ALCAM: variants seen among roughly 807,000 people sequenced by gnomAD.
ALCAM encodes the protein activated leukocyte cell adhesion molecule.
In ALCAM, 30 loss-of-function variants were observed where a neutral mutation model predicts 70.9. The observed-to-expected ratio is 0.42, with a 90% CI of 0.32 to 0.57. The LOEUF (loss-of-function observed/expected upper bound fraction) is 0.57. Among genes scored for constraint, ALCAM ranks in the 20% least tolerant of loss-of-function variants. The pLI is 0.11. For synonymous variants in ALCAM, 249 were observed against 242.5 expected (o/e 1.03, Z -0.25); for missense variants, 591 against 695.1 (o/e 0.85, Z 1.68).
intron 1 of ALCAM, among the ~76,000 whole-genome samples, chr3:105,487,720 G>A (rs947849767): frequency 1.3e-5 from 2 of 152,152 alleles, no homozygotes; most frequent in African/African-American, 4.8e-5. Flanking sequence ...AGGGTAGAAG[G>A]TAAAACTGAG....
At chr3:105,473,886 G>T (rs1034172141) in intron 1 of ALCAM, among the ~76,000 whole-genome samples, 25 of 145,264 alleles carry the variant, frequency 1.7e-4, no homozygotes, top group East Asian at 6.1e-4. Context: ...GTTTTGTTTT[G>T]TTTTTTTTTT....
chr3:105,386,493 G>A (rs2107344643), intron 1 of ALCAM, among the ~76,000 whole-genome samples: 1 of 151,596 alleles, frequency 6.6e-6, no homozygotes, highest in Non-Finnish European at 1.5e-5. Flanking sequence ...AATGTCTAGT[G>A]TGTGCAAATG....
intron 1 of ALCAM, among the ~76,000 whole-genome samples, chr3:105,510,284 C>T (rs895673520): frequency 1.3e-5 from 2 of 152,032 alleles, no homozygotes; most frequent in African/African-American, 2.4e-5. Flanking sequence ...ATCGGGGTAT[C>T]CGTGAGCTAT....
intron 1 of ALCAM, among the ~76,000 whole-genome samples, chr3:105,388,346 C>G (rs1226051042): frequency 6.6e-6 from 1 of 151,468 alleles, no homozygotes; most frequent in Non-Finnish European, 1.5e-5. Context: ...AGACGACTGT[C>G]CCACAACAAA....
chr3:105,393,409 A>G (rs780704900), intron 1 of ALCAM, among the ~76,000 whole-genome samples: 22 of 151,904 alleles, frequency 1.4e-4, no homozygotes, highest in East Asian at 3.9e-4. Flanking sequence ...AGAAGAAAAC[A>G]TACCATAAGA....
At chr3:105,512,241 C>T (rs1239199750) in intron 1 of ALCAM, among the ~76,000 whole-genome samples, 2 of 151,934 alleles carry the variant, frequency 1.3e-5, no homozygotes, top group African/African-American at 4.8e-5. Context: ...TTAATAATGT[C>T]ACAATAACTG....
Position 105,367,338 on chromosome 3 carries a change from G to A in ALCAM, c.-71G>A. ...CGGGACCCGCCAGCGCGCGGGCACC[G>A]CGGGGCCCGGGACGACGCCCCCTCC... On this transcript the variant is annotated 5_prime_UTR_variant, in exon 1 of 16. Transcript: ENST00000306107. 6.4e-7 allele frequency: 1 copy of A among 1,550,720 alleles called. No individual in the cohort carries two copies. The highest frequency in any genetic ancestry group is 8.8e-7 in the Non-Finnish European group (1 of 1,132,106).
chr3:105,545,093 A>G, intron 8 of ALCAM, 130 bp from the exon 9 acceptor site: 1 of 683,326 alleles, frequency 1.5e-6, no homozygotes, highest in South Asian at 1.5e-5. Flanking sequence ...TATTTTAGTC[A>G]TATAAATCAG....
At chr3:105,496,682 G>T (rs145983900) in intron 1 of ALCAM, among the ~76,000 whole-genome samples, 2,813 of 152,264 alleles carry the variant, frequency 0.018, 28 homozygotes, top group Middle Eastern at 0.051. Flanking sequence ...CACATTAACA[G>T]AACAGAGTGA....
At chr3:105,368,959 A>G (rs916432638) in intron 1 of ALCAM, among the ~76,000 whole-genome samples, 5 of 152,154 alleles carry the variant, frequency 3.3e-5, no homozygotes, top group Admixed American at 1.3e-4. Flanking sequence ...TAGTGTAACA[A>G]CGCTGGGGAG....
At chr3:105,434,493 C>G (rs1937008052) in intron 1 of ALCAM, among the ~76,000 whole-genome samples, 1 of 151,932 alleles carries the variant, frequency 6.6e-6, no homozygotes. Context: ...GTCCTTACTT[C>G]AAAAATATGA....
intron 1 of ALCAM, among the ~76,000 whole-genome samples, chr3:105,387,142 T>C (rs971069431): frequency 2.6e-5 from 4 of 151,520 alleles, no homozygotes; most frequent in Non-Finnish European, 5.9e-5. Context: ...CAGCAGTCTG[T>C]AGTAGTCTCA....
At chr3:105,367,544 C>T in intron 1 of ALCAM, 63 bp downstream of exon 1, 4 of 1,587,766 alleles carry the variant, frequency 2.5e-6, no homozygotes, top group Non-Finnish European at 3.5e-6. Context: ...CCTAGGTCCC[C>T]GTCCCAGCCT....
Position 105,484,355 on chromosome 3 carries a change from G to A in ALCAM, c.74-35712G>A, listed in dbSNP as rs540794310. The stretch of plus-strand genomic sequence containing the variant: ...ATCAAATCAAGAATATCTATGATCC[G>A]GATATCTGTGATATTCCCTTTCACC... On this transcript the variant is annotated intron_variant, in intron 1 of 15. Coordinates refer to ENST00000306107, the MANE Select transcript of ALCAM (RefSeq NM_001627.4). Among the ~76,000 whole-genome samples, 51 of 150,510 alleles carry A rather than the reference G, an allele frequency of 3.4e-4. 2 individuals are homozygous for A. Among genetic ancestry groups the A allele is most frequent in the East Asian group, 2.1e-3 (11 of 5,150 alleles).
In ALCAM at chr3:105,391,789, C is replaced by A. The variant is rs534097015; in HGVS notation, c.73+24308C>A. 4.0e-5 allele frequency among the ~76,000 whole-genome samples: 6 copies of A among 149,814 alleles called. No homozygotes were observed. In the South Asian group the frequency reaches 1.2e-3, roughly 31 times the overall value. On this transcript the variant is annotated intron_variant, in intron 1 of 15. Coordinates refer to ENST00000306107, the MANE Select transcript of ALCAM (RefSeq NM_001627.4). ...CAATACCTGATTTATTGAAGGGATG[C>A]TGAATTTTATCAAAGGCTTTCTCTG...
chr3:105,415,982 C>T (rs952370009), intron 1 of ALCAM, among the ~76,000 whole-genome samples: 19 of 151,988 alleles, frequency 1.3e-4, no homozygotes, highest in African/African-American at 3.9e-4. Flanking sequence ...GTATGACATG[C>T]GCAATTTATT....
At chr3:105,527,928 GGAAGC>G (rs1939747273) in intron 3 of ALCAM, among the ~76,000 whole-genome samples, 1 of 146,166 alleles carries the variant, frequency 6.8e-6, no homozygotes, top group Non-Finnish European at 1.5e-5. Flanking sequence ...TGAGGGGGGA[GGAAGC>G]AGAAAATGTT....
At chr3:105,463,784 A>ATCTGG (rs1937641647) in intron 1 of ALCAM, among the ~76,000 whole-genome samples, 1 of 151,398 alleles carries the variant, frequency 6.6e-6, no homozygotes, top group African/African-American at 2.4e-5. Flanking sequence ...AGACATAATA[A>ATCTGG]AGCTATTTGG....
chr3:105,552,727 T>C (rs1222272454), intron 14 of ALCAM, 142 bp downstream of exon 14: 26 of 1,487,806 alleles, frequency 1.7e-5, no homozygotes, highest in Non-Finnish European at 2.2e-5. Flanking sequence ...ATTATATATT[T>C]TGTTTCAACT....
Sources: allele counts gnomAD v4.1 joint callset (sites outside exome capture counted in the v4.1 genomes callset), GRCh38; gene constraint gnomAD v4.1.1; transcripts MANE v1.5; gene names NCBI Gene and HGNC (gene_info 2026-07-23, HGNC 2026-07-21).